The following MACROD2 variants were observed in gnomAD, a reference collection of about 807,000 sequenced individuals.
MACROD2 encodes ADP-ribose glycohydrolase MACROD2.
A neutral mutation model predicts 70.4 loss-of-function variants in MACROD2; 36 were observed. The observed-to-expected ratio is 0.51, with a 90% CI of 0.39 to 0.68. MACROD2 has a LOEUF of 0.68. Among genes scored for constraint, MACROD2 ranks in the 30% least tolerant of loss-of-function variants. The pLI, the probability that MACROD2 is intolerant of heterozygous loss-of-function variation, is 0.00. For synonymous variants in MACROD2, 172 were observed against 178.8 expected (o/e 0.96, Z 0.30); for missense variants, 496 against 538.4 (o/e 0.92, Z 0.78).
intron 8 of MACROD2, among the ~76,000 whole-genome samples, chr20:15,822,997 A>C (rs188543172): frequency 6.6e-6 from 1 of 152,334 alleles, no homozygotes; most frequent in East Asian, 1.9e-4. Context: ...AACACCTACA[A>C]ATAAACTGCT....
intron 2 of MACROD2, among the ~76,000 whole-genome samples, chr20:14,024,157 T>C (rs1161372256): frequency 6.6e-6 from 1 of 152,212 alleles, no homozygotes; most frequent in Non-Finnish European, 1.5e-5. Context: ...ATTCTCTTTG[T>C]AGCAGTTGTG....
chr20:14,493,739 T>A, intron 4 of MACROD2: 2 of 379,108 alleles, frequency 5.3e-6, no homozygotes, highest in Non-Finnish European at 9.9e-6. Flanking sequence ...TTTGTATTTC[T>A]GCTTTTGGCA....
At chr20:15,543,576 C>T (rs921768010) in intron 8 of MACROD2, among the ~76,000 whole-genome samples, 3 of 151,436 alleles carry the variant, frequency 2.0e-5, no homozygotes, top group Non-Finnish European at 4.4e-5. Flanking sequence ...GGTTTCCTTC[C>T]AAGCAATGAG....
chr20:15,418,858 G>T (rs1247507685), intron 6 of MACROD2, among the ~76,000 whole-genome samples: 1 of 152,082 alleles, frequency 6.6e-6, no homozygotes, highest in Admixed American at 6.6e-5. Flanking sequence ...CCTTCTTGTG[G>T]CTTTATAAAG....
chr20:15,231,913 A>G (rs990663265), intron 6 of MACROD2, among the ~76,000 whole-genome samples: 1 of 152,186 alleles, frequency 6.6e-6, no homozygotes, highest in African/African-American at 2.4e-5. Flanking sequence ...CAATATTAGT[A>G]AATAAAAATG....
chr20:15,357,917 CT>C (rs1265230198), intron 6 of MACROD2, among the ~76,000 whole-genome samples: 1 of 151,840 alleles, frequency 6.6e-6, no homozygotes, highest in Non-Finnish European at 1.5e-5. Flanking sequence ...TGCCATTCTC[CT>C]GCCTCAGCCT....
At chr20:15,758,587 T>C (rs1233975268) in intron 8 of MACROD2, among the ~76,000 whole-genome samples, 2 of 149,540 alleles carry the variant, frequency 1.3e-5, no homozygotes, top group Non-Finnish European at 3.0e-5. Flanking sequence ...TGCCTCAGGC[T>C]GAAGTGCAGT....
At chr20:15,124,390 C>G (rs1157468746) in intron 5 of MACROD2, among the ~76,000 whole-genome samples, 2 of 143,248 alleles carry the variant, frequency 1.4e-5, no homozygotes, top group East Asian at 4.1e-4. Flanking sequence ...GATAAAATTA[C>G]AAGCTTTAAG....
intron 5 of MACROD2, among the ~76,000 whole-genome samples, chr20:15,170,185 T>C (rs2076413322): frequency 6.6e-6 from 1 of 152,220 alleles, no homozygotes; most frequent in African/African-American, 2.4e-5. Flanking sequence ...AATTCCTAAA[T>C]TGAAGATAAA....
At chr20:14,285,402 A>G (rs1342718518) in intron 3 of MACROD2, among the ~76,000 whole-genome samples, 1 of 152,216 alleles carries the variant, frequency 6.6e-6, no homozygotes, top group Non-Finnish European at 1.5e-5. Context: ...CATGTTGGTC[A>G]CAACAAAAAG....
rs116274137 is a variant in MACROD2, at chr20:15,271,582, C to T, written c.540+41521C>T. Among the ~76,000 whole-genome samples, 402 of 152,270 alleles carry T rather than the reference C, an allele frequency of 2.6e-3. 1 individual carries two copies. Among genetic ancestry groups the T allele is most frequent in the African/African-American group, 8.8e-3 (367 of 41,564 alleles). ...GTTAGATGTTGAATAAGCAATTATA[C>T]GTATAATGTGCATAGCTCTTTTCCT... On this transcript the variant is annotated intron_variant, in intron 6 of 17. Transcript: ENST00000684519.
chr20:14,040,906 A>G (rs1456950699), intron 2 of MACROD2, among the ~76,000 whole-genome samples: 3 of 152,196 alleles, frequency 2.0e-5, no homozygotes, highest in Non-Finnish European at 4.4e-5. Flanking sequence ...TTGCCATCTA[A>G]TAGCAGAGAT....
At chr20:15,307,911 C>T (rs2077713623) in intron 6 of MACROD2, among the ~76,000 whole-genome samples, 1 of 151,700 alleles carries the variant, frequency 6.6e-6, no homozygotes, top group African/African-American at 2.4e-5. Context: ...TCTGGAATAT[C>T]CCTAATTTTG....
chr20:15,829,927 G>C lies in MACROD2; in HGVS notation c.646-32818G>C, dbSNP rs187461447. Among the ~76,000 whole-genome samples, 179 of 152,284 alleles carry C rather than the reference G, an allele frequency of 1.2e-3. No individual in the cohort carries two copies. The Middle Eastern group carries it at 0.014, about 12-fold the overall frequency. On this transcript the variant is annotated intron_variant, in intron 8 of 17. Transcript: ENST00000684519. Reference sequence around the variant, plus strand: ...TGGAAGGAAGAAATTTTGAAGGAAGGATGAAGAAAAAGACTTTGCAGACTC... The same window carrying C: ...TGGAAGGAAGAAATTTTGAAGGAAGCATGAAGAAAAAGACTTTGCAGACTC...
chr20:15,995,649 C>CTTTTTTTTTTTTTTTTTTTTTT lies in MACROD2; in HGVS notation c.1153+8511_1153+8512insTTTTTTTTTTTTTTTTTTTTTT, dbSNP rs71192310. 2.0e-4 allele frequency among the ~76,000 whole-genome samples: 17 copies of CTTTTTTTTTTTTTTTTTTTTTT among 85,492 alleles called. 3 individuals are homozygous for CTTTTTTTTTTTTTTTTTTTTTT. The highest frequency in any genetic ancestry group is 1.5e-3 in the East Asian group (4 of 2,602). 56.1% of individuals were successfully genotyped at this position (85,492 alleles called of 152,430 possible). On this transcript the variant is annotated intron_variant, in intron 15 of 17. Transcript: ENST00000684519. ...ACAGGCATGAGCCACTATGCCCGGCCTTTTTTTTTTTTTTTTTTTTAACTT... is the reference window on the plus strand; with the variant it reads ...ACAGGCATGAGCCACTATGCCCGGCCTTTTTTTTTTTTTTTTTTTTTTTTTTTTTTTTTTTTTTTTTTAACTT...
At chr20:14,025,632 G>C (rs1177524635) in intron 2 of MACROD2, among the ~76,000 whole-genome samples, 1 of 152,164 alleles carries the variant, frequency 6.6e-6, no homozygotes. Flanking sequence ...AGGTTGTTTA[G>C]TTTCCATGTA....
chr20:15,393,708 A>C (rs781096813), intron 6 of MACROD2, among the ~76,000 whole-genome samples: 6 of 152,196 alleles, frequency 3.9e-5, no homozygotes, highest in Non-Finnish European at 7.3e-5. Flanking sequence ...TAGATACATA[A>C]TAAAGTAAAA....
chr20:15,101,534 C>CCAAAAAAAAA (rs1555782799), intron 5 of MACROD2, among the ~76,000 whole-genome samples: 1 of 88,916 alleles, frequency 1.1e-5, no homozygotes, highest in African/African-American at 4.4e-5. Flanking sequence ...GGTGTTGGTT[C>CCAAAAAAAAA]AAAAAAAAAA....
At chr20:14,027,941 G>C (rs2053194439) in intron 2 of MACROD2, among the ~76,000 whole-genome samples, 1 of 152,224 alleles carries the variant, frequency 6.6e-6, no homozygotes, top group Non-Finnish European at 1.5e-5. Flanking sequence ...TGTGAGGGCT[G>C]TGCTGGGAGA....
Sources: allele counts gnomAD v4.1 joint callset (sites outside exome capture counted in the v4.1 genomes callset), GRCh38; gene constraint gnomAD v4.1.1; transcripts MANE v1.5; gene names NCBI Gene and HGNC (gene_info 2026-07-23, HGNC 2026-07-21).